The following CCDC3 variants were observed in gnomAD, a reference collection of about 807,000 sequenced individuals.
CCDC3 encodes the protein coiled-coil domain-containing protein 3.
Under a neutral mutation model 21.4 loss-of-function variants are expected in CCDC3, and 24 were observed. The ratio of observed to expected loss-of-function variants is 1.12; its 90% CI spans 0.81 to 1.58. CCDC3 has a LOEUF of 1.58. Among genes scored for constraint, CCDC3 ranks in the 40% most tolerant of loss-of-function variants. The probability of loss-of-function intolerance (pLI) is 0.00; values close to 1 mark genes in which losing one functional copy is unlikely to be tolerated. For missense variants in CCDC3, 425 were observed against 360.9 expected, an observed-to-expected ratio of 1.18 and a Z score of -1.44; for synonymous variants, 186 against 166.0, an observed-to-expected ratio of 1.12 and a Z score of -0.93.
chr10:12,964,596 C>G (rs1835232296), intron 2 of CCDC3, among the ~76,000 whole-genome samples: 1 of 152,200 alleles, frequency 6.6e-6, no homozygotes, highest in African/African-American at 2.4e-5. Flanking sequence ...CCCTGATTAA[C>G]CCGTGCCTGG....
At chr10:12,953,090 G>GA (rs76338519) in intron 2 of CCDC3, among the ~76,000 whole-genome samples, 1 of 151,586 alleles carries the variant, frequency 6.6e-6, no homozygotes, top group Non-Finnish European at 1.5e-5. Context: ...ATTTATACAG[G>GA]AAAAAAAAAG....
intron 5 of CCDC3, among the ~76,000 whole-genome samples, chr10:13,027,730 A>C (rs929086440): frequency 2.7e-5 from 4 of 149,114 alleles, no homozygotes; most frequent in African/African-American, 1.0e-4. Context: ...TAAAAAAAAA[A>C]AACAAAAAAA....
chr10:12,938,161 C>T (rs777936556), intron 2 of CCDC3, among the ~76,000 whole-genome samples: 10 of 152,176 alleles, frequency 6.6e-5, no homozygotes, highest in Admixed American at 6.5e-4. Flanking sequence ...TAGCATTTTC[C>T]TCCCTGAACA....
In CCDC3 at chr10:12,947,370, A is replaced by G. The variant is rs532879559; in HGVS notation, c.550-48691T>C. 1.7e-4 allele frequency among the ~76,000 whole-genome samples: 26 copies of G among 151,744 alleles called. No homozygotes were observed. The South Asian group carries it at 5.4e-3, about 32-fold the overall frequency. ...ACCATGTTGGCCAGGCTGGTCTGGA[A>G]CTCCTGACCTCCAGTGATCTGCCTG... is the stretch of plus-strand genomic sequence containing the variant. On this transcript the variant is annotated intron_variant, in intron 2 of 2. Transcript: ENST00000378825.
At chr10:12,938,591 A>G (rs754491608) in intron 2 of CCDC3, among the ~76,000 whole-genome samples, 7 of 152,256 alleles carry the variant, frequency 4.6e-5, no homozygotes, top group Admixed American at 1.3e-4. Flanking sequence ...TTCCATGCTT[A>G]TAAGATGTGA....
chr10:12,992,413 C>A (rs78769752), intron 2 of CCDC3, among the ~76,000 whole-genome samples: 11,338 of 151,984 alleles, frequency 0.075, 726 homozygotes, highest in African/African-American at 0.17. Context: ...AAAACAAAAC[C>A]AACAACTCCA....
intron 2 of CCDC3, among the ~76,000 whole-genome samples, chr10:12,921,234 C>T (rs758330724): frequency 4.3e-4 from 65 of 152,272 alleles, no homozygotes; most frequent in Middle Eastern, 3.4e-3. Flanking sequence ...GATGTCAGTC[C>T]GAGCTTTTAA....
At chr10:12,957,824 G>T (rs1835116372) in intron 2 of CCDC3, among the ~76,000 whole-genome samples, 2 of 152,154 alleles carry the variant, frequency 1.3e-5, no homozygotes, top group Non-Finnish European at 2.9e-5. Context: ...CCGTGAGCCA[G>T]TTAAACCTCT....
chr10:13,032,372 A>C lies in CCDC3; in HGVS notation c.-2+17302T>G, dbSNP rs538651095. On this transcript the variant is annotated intron_variant, in intron 5 of 6. Coordinates refer to the CCDC3 transcript ENST00000378839. ...AATAAGAGTTATTTATGACAAACCC[A>C]CAGCCAGTATCATACTGAATGGGCA... Among the ~76,000 whole-genome samples the C allele has an allele frequency of 5.8e-3, 886 of 152,324 alleles. 10 individuals carry two copies. The highest frequency in any genetic ancestry group is 0.02 in the African/African-American group (842 of 41,578).
chr10:13,097,695 G>A (rs990286563), intron 3 of CCDC3, among the ~76,000 whole-genome samples: 2 of 152,214 alleles, frequency 1.3e-5, no homozygotes, highest in African/African-American at 4.8e-5. Flanking sequence ...CTGCACTCCA[G>A]CCTGGGCAAC....
chr10:13,080,742 G>A (rs1837028779), intron 3 of CCDC3, among the ~76,000 whole-genome samples: 1 of 152,246 alleles, frequency 6.6e-6, no homozygotes, highest in African/African-American at 2.4e-5. Flanking sequence ...ACAGGCCAGG[G>A]TACAAGCCAG....
chr10:12,898,810 T>A, intron 2 of CCDC3, 131 bp from the exon 3 acceptor site: 1 of 1,080,016 alleles, frequency 9.3e-7, no homozygotes, highest in Non-Finnish European at 1.3e-6. Context: ...AGCATGGGCA[T>A]AAACCCCAGG....
At chr10:12,936,376 G>GAGAC (rs1834738248) in intron 2 of CCDC3, among the ~76,000 whole-genome samples, 1 of 151,126 alleles carries the variant, frequency 6.6e-6, no homozygotes, top group African/African-American at 2.4e-5. Context: ...TTCTCTTTTT[G>GAGAC]AGACAGGATC....
chr10:13,036,950 T>C (rs1002508484), intron 5 of CCDC3, among the ~76,000 whole-genome samples: 6 of 151,970 alleles, frequency 3.9e-5, no homozygotes, highest in Non-Finnish European at 8.8e-5. Flanking sequence ...CAGCTGATTT[T>C]CTTTGTTTAT....
chr10:13,065,816 T>A (rs1485053259), intron 4 of CCDC3, among the ~76,000 whole-genome samples: 3 of 152,208 alleles, frequency 2.0e-5, no homozygotes, highest in Non-Finnish European at 4.4e-5. Context: ...TATATATATA[T>A]CAGTCATTAG....
intron 5 of CCDC3, among the ~76,000 whole-genome samples, chr10:13,039,146 G>A (rs932825803): frequency 1.3e-5 from 2 of 151,994 alleles, no homozygotes; most frequent in Admixed American, 1.3e-4. Flanking sequence ...AAAGTACTTC[G>A]AGCTCACACC....
At chr10:13,051,279 C>T (rs1346607264) in intron 4 of CCDC3, among the ~76,000 whole-genome samples, 5 of 152,192 alleles carry the variant, frequency 3.3e-5, no homozygotes, top group African/African-American at 7.2e-5. Flanking sequence ...GCCACTCCAG[C>T]GCTGGTTCAG....
chr10:13,074,040 G>A (rs1380655425), exon 4 of CCDC3: 2 of 150,126 alleles, frequency 1.3e-5, no homozygotes, highest in Non-Finnish European at 1.5e-5. Flanking sequence ...TTCCAGAGTT[G>A]GTGTCTCTTT....
Position 12,898,531 on chromosome 10 carries a change from T to C in CCDC3, c.698A>G (p.Lys233Arg), listed in dbSNP as rs765423231. 2 of 1,614,186 alleles carry C rather than the reference T, an allele frequency of 1.2e-6. No individual in the cohort carries two copies. Among genetic ancestry groups the C allele is most frequent in the South Asian group, 1.1e-5 (1 of 91,088 alleles). The change falls in exon 3 of 3, where the codon AAG becomes AGG. Residue 233 changes from lysine (K) to arginine (R), a missense_variant. Coordinates refer to ENST00000378825, the MANE Select transcript of CCDC3 (RefSeq NM_031455.4). ...KVKRSLRQAR[K>R]KGRHLELANQ... ...CGCCAGCTCCAGGTGGCGGCCCTTC[T>C]TACGCGCCTGCCGCAAGGACCTCTT... is the stretch of plus-strand genomic sequence containing the variant.
Sources: gnomAD v4.1 joint callset for allele counts (sites outside exome capture counted in the v4.1 genomes callset) on GRCh38, gnomAD v4.1.1 for gene constraint, MANE v1.5 for transcripts, NCBI Gene and HGNC (gene_info 2026-07-23, HGNC 2026-07-21) for gene names.